The following FAM83D variants were observed in gnomAD, a reference collection of about 807,000 sequenced individuals.
The protein encoded by FAM83D is protein FAM83D.
A neutral mutation model predicts 25.4 loss-of-function variants in FAM83D; 26 were observed. The ratio of observed to expected loss-of-function variants is 1.02; its 90% CI spans 0.75 to 1.42. FAM83D has a LOEUF of 1.42. FAM83D is among the 40% of genes most tolerant of loss of function. The pLI, the probability that FAM83D is intolerant of heterozygous loss-of-function variation, is 0.00. For missense variants in FAM83D, 740 were observed against 758.1 expected (o/e 0.98, Z 0.28); for synonymous variants, 310 against 318.5 (o/e 0.97, Z 0.28).
At chr20:38,949,858 G>C (rs1303666433) in intron 3 of FAM83D, among the ~76,000 whole-genome samples, 1 of 152,190 alleles carries the variant, frequency 6.6e-6, no homozygotes, top group Non-Finnish European at 1.5e-5. Flanking sequence ...AAAGAGTCTT[G>C]CCCAGGCCGG....
At chr20:38,936,276 T>G (rs1601332291) in intron 1 of FAM83D, among the ~76,000 whole-genome samples, 1 of 152,104 alleles carries the variant, frequency 6.6e-6, no homozygotes, top group South Asian at 2.1e-4. Flanking sequence ...GGGCTGCACA[T>G]GTGCCTGGTC....
At chr20:38,939,861 G>A (rs2085694255) in intron 1 of FAM83D, among the ~76,000 whole-genome samples, 1 of 152,096 alleles carries the variant, frequency 6.6e-6, no homozygotes. Flanking sequence ...CCCTTTCCAT[G>A]CTTTGTTTCA....
intron 2 of FAM83D, among the ~76,000 whole-genome samples, chr20:38,942,517 A>C (rs1471324374): frequency 6.6e-6 from 1 of 152,242 alleles, no homozygotes; most frequent in African/African-American, 2.4e-5. Flanking sequence ...GCATGGATGA[A>C]CCTGCAAACG....
At position 38,947,981 on chromosome 20, in the gene FAM83D, G is replaced by A. The variant is rs772029367; in HGVS notation, c.757G>A (p.Val253Met). Residue 253 changes from valine (V) to methionine (M), a missense_variant, in exon 3 of 4, where the codon GTG becomes ATG. This residue lies in a region of FAM83D where 32 missense variants were observed against 56.2 expected (regional missense o/e 0.57). Transcript: ENST00000619850. ...EKFTLIDGIR[V>M]ATGSYSFTWT... The stretch of plus-strand genomic sequence containing the variant: ...GTTCACGTTGATTGATGGCATCCGC[G>A]TGGCAACAGGCTCCTACAGGTAAGT... 6.2e-6 allele frequency: 10 copies of A among 1,614,050 alleles called. No homozygotes were observed. The highest frequency in any genetic ancestry group is 5.3e-5 in the African/African-American group (4 of 74,926).
chr20:38,928,416 G>T (rs1209412353), intron 1 of FAM83D, among the ~76,000 whole-genome samples: 2 of 152,214 alleles, frequency 1.3e-5, no homozygotes, highest in Non-Finnish European at 2.9e-5. Flanking sequence ...GCTCTTACCA[G>T]CCCTGAGGTG....
chr20:38,927,498 CTTTT>C (rs1173092369), intron 1 of FAM83D, among the ~76,000 whole-genome samples: 1 of 101,420 alleles, frequency 9.9e-6, no homozygotes, highest in African/African-American at 3.9e-5. Context: ...TCTTTCTTGT[CTTTT>C]TTTTTTTTTT....
intron 1 of FAM83D, among the ~76,000 whole-genome samples, chr20:38,929,557 A>C (rs920294838): frequency 6.6e-6 from 1 of 151,672 alleles, no homozygotes; most frequent in Non-Finnish European, 1.5e-5. Context: ...GGATGCTGAA[A>C]TGAGTTGGGT....
At chr20:38,931,984 G>T (rs2085660572) in intron 1 of FAM83D, among the ~76,000 whole-genome samples, 1 of 152,214 alleles carries the variant, frequency 6.6e-6, no homozygotes, top group Non-Finnish European at 1.5e-5. Flanking sequence ...TCCCTGGGTG[G>T]CTGTGCCTGG....
At chr20:38,939,830 C>A (rs910829183) in intron 1 of FAM83D, among the ~76,000 whole-genome samples, 2 of 152,162 alleles carry the variant, frequency 1.3e-5, no homozygotes, top group Non-Finnish European at 2.9e-5. Flanking sequence ...CTGTTTCCTG[C>A]CTTGCCCTCC....
Position 38,947,812 on chromosome 20 carries a change from A to G in FAM83D, c.652-64A>G, listed in dbSNP as rs1206514683. The stretch of plus-strand genomic sequence containing the variant: ...TAAACTAAGGCTTTTTGTCCTAACC[A>G]TTTGCTCAGCAGATGAGTATTGCTG... On this transcript the variant is annotated intron_variant, in intron 2 of 3. Transcript: ENST00000619850. 19 of 1,580,486 alleles carry G rather than the reference A, an allele frequency of 1.2e-5. No individual in the cohort carries two copies. In the Admixed American group the frequency reaches 2.5e-4, roughly 21 times the overall value.
intron 1 of FAM83D, among the ~76,000 whole-genome samples, chr20:38,932,273 C>T (rs2145800432): frequency 6.6e-6 from 1 of 152,296 alleles, no homozygotes; most frequent in East Asian, 1.9e-4. Context: ...GTAGTTCCAG[C>T]TACTCAGCAG....
At chr20:38,942,485 T>C (rs1389592323) in intron 2 of FAM83D, among the ~76,000 whole-genome samples, 1 of 152,210 alleles carries the variant, frequency 6.6e-6, no homozygotes, top group Non-Finnish European at 1.5e-5. Context: ...TAAAAAGGAA[T>C]GAAGTGCTGA....
At chr20:38,931,359 G>T (rs903408556) in intron 1 of FAM83D, among the ~76,000 whole-genome samples, 1 of 152,170 alleles carries the variant, frequency 6.6e-6, no homozygotes, top group Non-Finnish European at 1.5e-5. Context: ...GAGAACATAG[G>T]TCTCTGAGTT....
chr20:38,927,655 C>T (rs1252479068), intron 1 of FAM83D, among the ~76,000 whole-genome samples: 4 of 151,968 alleles, frequency 2.6e-5, no homozygotes, highest in South Asian at 2.1e-4. Context: ...CCCGCCACCA[C>T]GCCCGGCTAA....
At chr20:38,940,807 C>T (rs1045643019) in intron 1 of FAM83D, among the ~76,000 whole-genome samples, 1 of 152,156 alleles carries the variant, frequency 6.6e-6, no homozygotes, top group Non-Finnish European at 1.5e-5. Context: ...TTTAAAAGAG[C>T]GAGGAAAGCT....
At chr20:38,942,208 G>A (rs561339902) in intron 2 of FAM83D, 82 bp downstream of exon 2, 8 of 1,473,448 alleles carry the variant, frequency 5.4e-6, no homozygotes, top group Admixed American at 1.7e-5. Flanking sequence ...GCTGGTGGCG[G>A]TATCCCTGTT....
In FAM83D at chr20:38,947,994, C is replaced by T. The variant is rs776787816; in HGVS notation, c.770C>T (p.Ser257Phe). 2.5e-6 allele frequency: 4 copies of T among 1,613,960 alleles called. No individual in the cohort carries two copies. Among genetic ancestry groups the T allele is most frequent in the Non-Finnish European group, 2.5e-6 (3 of 1,180,008 alleles). Reference sequence around the variant, plus strand: ...GATGGCATCCGCGTGGCAACAGGCTCCTACAGGTAAGTCTCTAACCCGTCC... The same window carrying T: ...GATGGCATCCGCGTGGCAACAGGCTTCTACAGGTAAGTCTCTAACCCGTCC... ...LIDGIRVATG[S>F]YSFTWTDGKL... Residue 257 changes from serine to phenylalanine, a missense_variant, in exon 3 of 4, where the codon TCC becomes TTC. Ser to Phe is a radical substitution (Grantham distance 155). This residue lies in a region of FAM83D where 375 missense variants were observed against 403.2 expected (regional missense o/e 0.93). Coordinates refer to ENST00000619850, the MANE Select transcript of FAM83D (RefSeq NM_030919.3).
chr20:38,945,218 C>T (rs1048518799), intron 2 of FAM83D, among the ~76,000 whole-genome samples: 2 of 152,132 alleles, frequency 1.3e-5, no homozygotes, highest in African/African-American at 4.8e-5. Flanking sequence ...ATGCAACATT[C>T]AGATGTGTGT....
intron 2 of FAM83D, among the ~76,000 whole-genome samples, chr20:38,945,049 G>A (rs1402904874): frequency 6.6e-6 from 1 of 151,984 alleles, no homozygotes; most frequent in Admixed American, 6.6e-5. Flanking sequence ...GTTCCTCTCT[G>A]TGCTAGTGAA....
Sources: allele counts gnomAD v4.1 joint callset (sites outside exome capture counted in the v4.1 genomes callset), GRCh38; gene constraint gnomAD v4.1.1; regional missense constraint gnomAD v4.1.1; transcripts MANE v1.5; gene names NCBI Gene and HGNC (gene_info 2026-07-23, HGNC 2026-07-21).